Variants in CCDC73 observed in about 807,000 individuals in gnomAD.
CCDC73 encodes coiled-coil domain-containing protein 73.
In CCDC73, 95 loss-of-function variants were observed where a neutral mutation model predicts 116.5. That is an observed-to-expected ratio of 0.82 (90% CI 0.69 to 0.97). The LOEUF (loss-of-function observed/expected upper bound fraction) is 0.97, where lower values mean the gene tolerates loss of function less well. Among genes scored for constraint, CCDC73 ranks in the 50% least tolerant of loss-of-function variants. The pLI, the probability that CCDC73 is intolerant of heterozygous loss-of-function variation, is 0.00. For synonymous variants in CCDC73, 398 were observed against 401.3 expected, an observed-to-expected ratio of 0.99 and a Z score of 0.10; for missense variants, 1,066 against 1,206.8, an observed-to-expected ratio of 0.88 and a Z score of 1.73.
intron 1 of CCDC73, among the ~76,000 whole-genome samples, chr11:32,788,020 T>C (rs914336723): frequency 2.0e-5 from 3 of 152,218 alleles, no homozygotes; most frequent in African/African-American, 7.2e-5. Context: ...CTCATCAGAT[T>C]CTATCTTGTA....
chr11:32,646,835 C>T (rs1855783002), intron 12 of CCDC73, among the ~76,000 whole-genome samples: 1 of 152,102 alleles, frequency 6.6e-6, no homozygotes, highest in Admixed American at 6.5e-5. Flanking sequence ...AATTTCCTTT[C>T]CTGTTTTCCA....
At chr11:32,806,006 A>G in the CCDC73 span, among the ~76,000 whole-genome samples, 1 of 152,192 alleles carries the variant, frequency 6.6e-6, no homozygotes, top group Admixed American at 6.5e-5. Context: ...GCTAATTCCA[A>G]ATCTGTGGTT....
intron 2 of CCDC73, among the ~76,000 whole-genome samples, chr11:32,747,000 G>T (rs984657258): frequency 2.1e-4 from 32 of 152,186 alleles, no homozygotes; most frequent in African/African-American, 7.5e-4. Flanking sequence ...TGGAGGAGAA[G>T]AGGCATTCTG....
chr11:32,686,337 T>C (rs575043282), intron 6 of CCDC73, among the ~76,000 whole-genome samples: 33 of 150,008 alleles, frequency 2.2e-4, no homozygotes, highest in African/African-American at 7.6e-4. Context: ...ACATGTCAAG[T>C]TTGAGGTGTC....
chr11:32,667,013 T>C (rs1855990100), intron 9 of CCDC73, among the ~76,000 whole-genome samples: 1 of 152,300 alleles, frequency 6.6e-6, no homozygotes, highest in Middle Eastern at 3.4e-3. Context: ...TGATTGTTCC[T>C]CTGGAAGCTT....
intron 14 of CCDC73, among the ~76,000 whole-genome samples, chr11:32,620,518 G>A (rs572404535): frequency 6.7e-6 from 1 of 149,120 alleles, no homozygotes; most frequent in African/African-American, 2.5e-5. Context: ...GGCTGAGGCA[G>A]GAGAATGACA....
At chr11:32,803,356 G>T in the CCDC73 span, among the ~76,000 whole-genome samples, 2 of 152,162 alleles carry the variant, frequency 1.3e-5, no homozygotes, top group African/African-American at 4.8e-5. Flanking sequence ...CTCCCAAAGT[G>T]CTGGGATTAC....
At chr11:32,764,702 A>G (rs1450435109) in intron 1 of CCDC73, among the ~76,000 whole-genome samples, 1 of 152,152 alleles carries the variant, frequency 6.6e-6, no homozygotes, top group Non-Finnish European at 1.5e-5. Context: ...GAAACTGCGT[A>G]AACTAACAAG....
chr11:32,639,714 G>A (rs888157679), intron 13 of CCDC73, among the ~76,000 whole-genome samples: 6 of 152,196 alleles, frequency 3.9e-5, no homozygotes, highest in African/African-American at 1.2e-4. Context: ...CTCCCAAAGT[G>A]CTGGGATTAC....
chr11:32,755,980 TATATATATATCTCC>T (rs1850339818), intron 2 of CCDC73, among the ~76,000 whole-genome samples: 1 of 5,582 alleles, frequency 1.8e-4, no homozygotes, highest in Non-Finnish European at 2.7e-4. Context: ...TATATATATC[TATATATATATCTCC>T]ATATATATAT....
chr11:32,811,438 G>A, the CCDC73 span, among the ~76,000 whole-genome samples: 1 of 152,080 alleles, frequency 6.6e-6, no homozygotes, highest in South Asian at 2.1e-4. Context: ...GATGCATACT[G>A]CCTTAGCATA....
the CCDC73 span, among the ~76,000 whole-genome samples, chr11:32,817,364 C>T: frequency 6.6e-6 from 1 of 152,196 alleles, no homozygotes; most frequent in South Asian, 2.1e-4. Context: ...AGGCTTTTTA[C>T]ATGTGTTGCC....
At chr11:32,745,739 GT>G in intron 2 of CCDC73, among the ~76,000 whole-genome samples, 2 of 90,756 alleles carry the variant, frequency 2.2e-5, no homozygotes, top group Admixed American at 1.5e-4. Context: ...TTGTTTGTTT[GT>G]TTTGGTTTTT....
At chr11:32,815,338 CTTT>C in the CCDC73 span, among the ~76,000 whole-genome samples, 4 of 140,724 alleles carry the variant, frequency 2.8e-5, no homozygotes, top group South Asian at 2.3e-4. Context: ...ATTATTTTTG[CTTT>C]TTTTTTTTTT....
At chr11:32,693,395 T>A (rs1282907552) in intron 6 of CCDC73, among the ~76,000 whole-genome samples, 1 of 152,226 alleles carries the variant, frequency 6.6e-6, no homozygotes, top group Non-Finnish European at 1.5e-5. Context: ...TCTATTCATG[T>A]ATCATGTTCA....
At chr11:32,700,372 G>C (rs1184790773) in intron 5 of CCDC73, among the ~76,000 whole-genome samples, 2 of 152,184 alleles carry the variant, frequency 1.3e-5, no homozygotes, top group African/African-American at 4.8e-5. Flanking sequence ...CAGTTGGTCT[G>C]CACCCAGTTG....
At chr11:32,646,537 G>C (rs1332552077) in intron 12 of CCDC73, among the ~76,000 whole-genome samples, 2 of 152,156 alleles carry the variant, frequency 1.3e-5, no homozygotes, top group Non-Finnish European at 2.9e-5. Flanking sequence ...TGAAGGCATG[G>C]TTCTATTGTC....
intron 9 of CCDC73, among the ~76,000 whole-genome samples, chr11:32,663,094 T>C (rs1418703176): frequency 1.3e-5 from 2 of 152,206 alleles, no homozygotes; most frequent in East Asian, 3.9e-4. Context: ...ACTGTAGCCT[T>C]GTAGTATAGT....
chr11:32,800,224 C>T, the CCDC73 span, among the ~76,000 whole-genome samples: 5 of 151,990 alleles, frequency 3.3e-5, no homozygotes, highest in Non-Finnish European at 7.4e-5. Flanking sequence ...AAATAATTAT[C>T]TAGAAGATGT....
Sources: allele counts gnomAD v4.1 joint callset (sites outside exome capture counted in the v4.1 genomes callset), GRCh38; gene constraint gnomAD v4.1.1; transcripts MANE v1.5; gene names NCBI Gene and HGNC (gene_info 2026-07-23, HGNC 2026-07-21).